Variants in STK3 observed in about 807,000 individuals in gnomAD.
The protein encoded by STK3 is serine/threonine kinase 3, also known as serine/threonine-protein kinase 3.
A neutral mutation model predicts 58.0 loss-of-function variants in STK3; 41 were observed. The ratio of observed to expected loss-of-function variants is 0.71; its 90% CI spans 0.55 to 0.92. STK3 has a LOEUF of 0.92. Among genes scored for constraint, STK3 ranks in the 40% least tolerant of loss-of-function variants. The pLI is 0.00. For synonymous variants in STK3, 170 were observed against 191.0 expected (o/e 0.89, Z 0.91); for missense variants, 479 against 602.7 (o/e 0.79, Z 2.15).
chr8:98,548,850 A>T (rs1479250277), intron 8 of STK3, among the ~76,000 whole-genome samples: 1 of 152,162 alleles, frequency 6.6e-6, no homozygotes, highest in Non-Finnish European at 1.5e-5. Context: ...GAATTTGCCT[A>T]TTCTAGATAC....
intron 6 of STK3, among the ~76,000 whole-genome samples, chr8:98,632,142 A>G (rs1251003093): frequency 6.6e-6 from 1 of 152,232 alleles, no homozygotes; most frequent in Non-Finnish European, 1.5e-5. Flanking sequence ...GTACTGCTCA[A>G]AAATCCATAA....
intron 7 of STK3, among the ~76,000 whole-genome samples, chr8:98,592,352 C>A (rs1211526768): frequency 6.6e-6 from 1 of 152,182 alleles, no homozygotes; most frequent in Non-Finnish European, 1.5e-5. Context: ...CATTTCTCCT[C>A]CCTAAAATGA....
At chr8:98,741,822 T>C (rs4585723) in intron 4 of STK3, among the ~76,000 whole-genome samples, 2,704 of 152,202 alleles carry the variant, frequency 0.018, 74 homozygotes, top group African/African-American at 0.062. Context: ...ATCATCAAAA[T>C]TGATAGACTG....
At chr8:98,911,796 AT>A (rs113410166) in intron 1 of STK3, among the ~76,000 whole-genome samples, 2,230 of 152,138 alleles carry the variant, frequency 0.015, 54 homozygotes, top group African/African-American at 0.051. Flanking sequence ...TATTTTTCTA[AT>A]TGTACATAAT....
chr8:98,473,242 C>T (rs1019546891), intron 10 of STK3, among the ~76,000 whole-genome samples: 5 of 152,122 alleles, frequency 3.3e-5, no homozygotes, highest in Non-Finnish European at 7.4e-5. Flanking sequence ...ATCTTCTACA[C>T]CCCCTGTTGT....
chr8:98,870,715 T>A (rs1837339670), intron 3 of STK3, among the ~76,000 whole-genome samples: 1 of 152,262 alleles, frequency 6.6e-6, no homozygotes, highest in African/African-American at 2.4e-5. Context: ...TACATTTGTT[T>A]AAGTTCTTTG....
At chr8:98,721,125 C>T in intron 4 of STK3, 1 of 985,102 alleles carries the variant, frequency 1.0e-6, no homozygotes, top group South Asian at 4.7e-5. Context: ...TAATGGGTGG[C>T]TTTATGAGCA....
At chr8:98,493,172 C>A (rs1369202149) in intron 10 of STK3, among the ~76,000 whole-genome samples, 3 of 146,234 alleles carry the variant, frequency 2.1e-5, no homozygotes, top group African/African-American at 7.6e-5. Flanking sequence ...GTCGAAGCTG[C>A]AGTGAACTGT....
intron 6 of STK3, among the ~76,000 whole-genome samples, chr8:98,654,542 T>G (rs1476013515): frequency 6.6e-6 from 1 of 152,180 alleles, no homozygotes; most frequent in African/African-American, 2.4e-5. Context: ...GGAAGGCAAA[T>G]TGTCCCTGTT....
intron 6 of STK3, among the ~76,000 whole-genome samples, chr8:98,636,406 A>C (rs2130563445): frequency 6.6e-6 from 1 of 152,262 alleles, no homozygotes; most frequent in Non-Finnish European, 1.5e-5. Context: ...TTTAACTGAC[A>C]TTTACTGACT....
intron 10 of STK3, chr8:98,462,985 A>G (rs1226902186): frequency 6.6e-6 from 1 of 152,208 alleles, no homozygotes; most frequent in Non-Finnish European, 1.5e-5. Flanking sequence ...TGAGCCTTGC[A>G]CAGGGGCCAT....
intron 8 of STK3, among the ~76,000 whole-genome samples, chr8:98,550,246 G>A (rs1811053351): frequency 6.6e-6 from 1 of 152,044 alleles, no homozygotes; most frequent in Admixed American, 6.6e-5. Flanking sequence ...TGCTAAGCTT[G>A]GGCATTAGGT....
At chr8:98,481,828 C>T (rs1478425285) in intron 10 of STK3, among the ~76,000 whole-genome samples, 4 of 151,502 alleles carry the variant, frequency 2.6e-5, no homozygotes, top group South Asian at 2.1e-4. Flanking sequence ...GACTGGAATA[C>T]GTTTGTTTGG....
At chr8:98,622,101 TAAAAA>T (rs35431395) in intron 6 of STK3, among the ~76,000 whole-genome samples, 2 of 91,388 alleles carry the variant, frequency 2.2e-5, no homozygotes. Context: ...CTGTCTCTAC[TAAAAA>T]AAAAAAAAAA....
intron 10 of STK3, among the ~76,000 whole-genome samples, chr8:98,511,753 T>C (rs945511536): frequency 6.6e-6 from 1 of 152,166 alleles, no homozygotes; most frequent in African/African-American, 2.4e-5. Context: ...TTAAAAATAT[T>C]TCGCCTCTCC....
At chr8:98,447,278 G>T (rs1282453021) in intron 1 of STK3, among the ~76,000 whole-genome samples, 2 of 152,034 alleles carry the variant, frequency 1.3e-5, no homozygotes, top group Non-Finnish European at 2.9e-5. Flanking sequence ...CTTATAAAAA[G>T]GATTAAGGAA....
rs139476504 is a variant in STK3 at position 98,925,397 on chromosome 8, C to T, written c.-79+16981G>A. On this transcript the variant is annotated intron_variant, in intron 1 of 1. Coordinates refer to the STK3 transcript ENST00000519420. ...AGAGAGATACGTGACTATTCTGCAA[C>T]AAGTTCCTTAGCTCTCCCAAGATCA... Among the ~76,000 whole-genome samples, 78 of 152,340 alleles carry T rather than the reference C, an allele frequency of 5.1e-4. No individual in the cohort carries two copies. In the East Asian group the frequency reaches 0.013, roughly 26 times the overall value.
At chr8:98,511,179 T>C (rs906526661) in intron 10 of STK3, among the ~76,000 whole-genome samples, 8 of 152,026 alleles carry the variant, frequency 5.3e-5, no homozygotes, top group African/African-American at 9.7e-5. Context: ...GTGGTTCTTA[T>C]TAAATAAATG....
At chr8:98,470,285 A>G (rs1820820561) in intron 10 of STK3, among the ~76,000 whole-genome samples, 1 of 152,230 alleles carries the variant, frequency 6.6e-6, no homozygotes, top group African/African-American at 2.4e-5. Context: ...TCAGTTAGGA[A>G]TGCCCATTTG....
Sources: allele counts gnomAD v4.1 joint callset (sites outside exome capture counted in the v4.1 genomes callset), GRCh38; gene constraint gnomAD v4.1.1; transcripts MANE v1.5; gene names NCBI Gene and HGNC (gene_info 2026-07-23, HGNC 2026-07-21).